Variants in RIMS2 observed in about 807,000 individuals in gnomAD.
The protein encoded by RIMS2 is regulating synaptic membrane exocytosis 2.
A neutral mutation model predicts 174.4 loss-of-function variants in RIMS2; 59 were observed. That is an observed-to-expected ratio of 0.34 (90% confidence interval 0.27 to 0.42). RIMS2 has a LOEUF of 0.42. Ranked by LOEUF, RIMS2 falls within the 10% of genes least tolerant of loss-of-function variation. The pLI is 1.00. For synonymous variants in RIMS2, 606 were observed against 572.5 expected (o/e 1.06, Z -0.84); for missense variants, 1,620 against 1,666.3 (o/e 0.97, Z 0.48).
chr8:103,850,761 A>C (rs1215182712), intron 3 of RIMS2, among the ~76,000 whole-genome samples: 1 of 152,020 alleles, frequency 6.6e-6, no homozygotes. Context: ...ATATATTTTT[A>C]ATGTGAATGA....
At chr8:103,606,303 G>T (rs2095077343) in intron 1 of RIMS2, among the ~76,000 whole-genome samples, 2 of 150,640 alleles carry the variant, frequency 1.3e-5, no homozygotes, top group African/African-American at 4.9e-5. Context: ...CCATGTAGTT[G>T]AGCAGTTTTG....
At chr8:103,880,517 G>C (rs966311320) in intron 3 of RIMS2, 3 of 383,836 alleles carry the variant, frequency 7.8e-6, no homozygotes, top group Non-Finnish European at 1.4e-5. Context: ...ACTTAGTTTT[G>C]AAATAAAACA....
rs2099280256 is a variant in RIMS2, at chr8:104,240,358, A to C, written c.3335-4558A>C. On this transcript the variant is annotated intron_variant, in intron 19 of 23. Transcript: ENST00000504942. The stretch of plus-strand genomic sequence containing the variant: ...AGTTTTTAAGTTGAATAATGTGACA[A>C]ATCATTTGGAACATTAAATGTGATT... 3.9e-5 allele frequency among the ~76,000 whole-genome samples: 6 copies of C among 152,346 alleles called. No individual in the cohort carries two copies. The South Asian group carries it at 1.0e-3, about 26-fold the overall frequency.
chr8:103,926,781 T>C (rs1296295061), intron 10 of RIMS2, among the ~76,000 whole-genome samples: 2 of 151,486 alleles, frequency 1.3e-5, no homozygotes, highest in African/African-American at 4.8e-5. Flanking sequence ...CTGATTATGT[T>C]CTGATTAACT....
chr8:104,208,124 C>T (rs1361506881), intron 19 of RIMS2, among the ~76,000 whole-genome samples: 2 of 152,008 alleles, frequency 1.3e-5, no homozygotes, highest in African/African-American at 4.8e-5. Context: ...GTTAAACAAG[C>T]ACTGGATTAT....
intron 19 of RIMS2, among the ~76,000 whole-genome samples, chr8:104,171,508 A>G (rs1218084101): frequency 2.6e-5 from 4 of 151,746 alleles, no homozygotes; most frequent in East Asian, 3.9e-4. Context: ...TTTGTTATAT[A>G]TATATATCTC....
rs562506503 is a variant in RIMS2 at position 103,775,330 on chromosome 8, G to C, written c.698+8793G>C. ...ATTTGTAAAAGGAAATCAAAGTATG[G>C]TTAAGAAAGAGGTTAAACTATAGAG... On this transcript the variant is annotated intron_variant, in intron 3 of 23. Transcript: ENST00000504942. Among the ~76,000 whole-genome samples, 4 of 152,164 alleles carry C rather than the reference G, an allele frequency of 2.6e-5. No homozygotes were observed. In the South Asian group the frequency reaches 8.3e-4, roughly 32 times the overall value.
chr8:104,142,948 G>T (rs1412352456), intron 19 of RIMS2, among the ~76,000 whole-genome samples: 2 of 152,116 alleles, frequency 1.3e-5, no homozygotes, highest in East Asian at 3.8e-4. Context: ...GTCATCTCCA[G>T]AAGTCAAAGA....
chr8:103,549,587 A>G (rs1465050810), intron 1 of RIMS2, among the ~76,000 whole-genome samples: 1 of 152,210 alleles, frequency 6.6e-6, no homozygotes, highest in Non-Finnish European at 1.5e-5. Context: ...ATCAGCTAAC[A>G]TCATAATGAC....
At chr8:104,060,454 C>T (rs2096962332) in intron 19 of RIMS2, among the ~76,000 whole-genome samples, 1 of 152,016 alleles carries the variant, frequency 6.6e-6, no homozygotes, top group Non-Finnish European at 1.5e-5. Context: ...TTTGATTCTT[C>T]TCTCTTTTCT....
intron 14 of RIMS2, among the ~76,000 whole-genome samples, chr8:103,954,075 C>A (rs1204750456): frequency 6.6e-6 from 1 of 152,176 alleles, no homozygotes; most frequent in Non-Finnish European, 1.5e-5. Context: ...ATATATGCAT[C>A]CAATACCAGA....
At chr8:103,931,504 G>A in intron 12 of RIMS2, 111 bp downstream of exon 14, 2 of 675,296 alleles carry the variant, frequency 3.0e-6, no homozygotes, top group Non-Finnish European at 4.6e-6. Context: ...TGAGATATGT[G>A]AAGTTTAACA....
chr8:103,610,344 C>A (rs984355648), intron 1 of RIMS2, among the ~76,000 whole-genome samples: 2 of 152,108 alleles, frequency 1.3e-5, no homozygotes, highest in Non-Finnish European at 2.9e-5. Context: ...TCTCATTGCT[C>A]TGGTCAGGAC....
At position 104,057,894 on chromosome 8, in the gene RIMS2, G is replaced by A. The variant is rs559236874; in HGVS notation, c.3334+43279G>A. 3.3e-5 allele frequency among the ~76,000 whole-genome samples: 5 copies of A among 151,836 alleles called. No individual in the cohort carries two copies. In the South Asian group the frequency reaches 6.3e-4, roughly 19 times the overall value. ...TCATCCATGTCCCTACAAAGGACAT[G>A]AACTCATCATTTTTTATGGCTGCAT... is the stretch of plus-strand genomic sequence containing the variant. On this transcript the variant is annotated intron_variant, in intron 19 of 23. Transcript: ENST00000504942.
chr8:104,220,082 T>A (rs2099148277), intron 19 of RIMS2, among the ~76,000 whole-genome samples: 3 of 152,220 alleles, frequency 2.0e-5, no homozygotes. Context: ...AATTTCAGTA[T>A]ATTCCACAAG....
intron 19 of RIMS2, among the ~76,000 whole-genome samples, chr8:104,035,555 G>A (rs1435619569): frequency 6.6e-6 from 1 of 150,936 alleles, no homozygotes; most frequent in East Asian, 1.9e-4. Context: ...TTTGTAAAAT[G>A]TATCTTTAGG....
At chr8:103,772,902 A>C (rs528664250) in intron 3 of RIMS2, among the ~76,000 whole-genome samples, 106 of 151,924 alleles carry the variant, frequency 7.0e-4, no homozygotes, top group African/African-American at 2.5e-3. Flanking sequence ...ATCCATATGC[A>C]AAAAAATTTG....
chr8:103,677,944 C>G (rs980460025), intron 1 of RIMS2, among the ~76,000 whole-genome samples: 7 of 152,078 alleles, frequency 4.6e-5, no homozygotes, highest in Non-Finnish European at 7.4e-5. Flanking sequence ...TTTATCTGTG[C>G]TTTGCTGAAA....
intron 2 of RIMS2, among the ~76,000 whole-genome samples, chr8:103,722,492 G>A (rs1022734523): frequency 7.2e-5 from 11 of 152,150 alleles, no homozygotes; most frequent in African/African-American, 2.2e-4. Context: ...TAAGCAGCAC[G>A]CAACCTAGAT....
Sources: gnomAD v4.1 joint callset for allele counts (sites outside exome capture counted in the v4.1 genomes callset) on GRCh38, gnomAD v4.1.1 for gene constraint, MANE v1.5 for transcripts, NCBI Gene and HGNC (gene_info 2026-07-23, HGNC 2026-07-21) for gene names.